The following TECRL variants were observed in gnomAD, a reference collection of about 807,000 sequenced individuals.
The protein encoded by TECRL is trans-2,3-enoyl-CoA reductase like.
TECRL carries 63 observed loss-of-function variants against 52.8 expected under a neutral mutation model. The observed-to-expected ratio is 1.19, with a 90% CI of 0.97 to 1.47. TECRL has a LOEUF of 1.47. TECRL is among the 40% of genes most tolerant of loss of function. The pLI is 0.00. For synonymous variants in TECRL, 164 were observed against 141.9 expected (o/e 1.16, Z -1.10); for missense variants, 482 against 429.6 (o/e 1.12, Z -1.08).
intron 1 of TECRL, among the ~76,000 whole-genome samples, chr4:64,388,621 A>T (rs1344455468): frequency 2.6e-5 from 4 of 151,868 alleles, no homozygotes. Flanking sequence ...GAAGGAATTG[A>T]CATCTTGAAA....
chr4:64,328,397 CAATT>C (rs1217040465), intron 3 of TECRL, 111 bp downstream of exon 3: 4 of 784,532 alleles, frequency 5.1e-6, no homozygotes, highest in Admixed American at 2.9e-5. Flanking sequence ...TTGGGCGAAT[CAATT>C]AAATAATACT....
At chr4:64,317,287 A>AT (rs1654745439) in intron 4 of TECRL, among the ~76,000 whole-genome samples, 1 of 152,138 alleles carries the variant, frequency 6.6e-6, no homozygotes, top group South Asian at 2.1e-4. Flanking sequence ...TCCAAAAAAA[A>AT]AGAAAAAAAG....
At position 64,375,032 on chromosome 4, in the gene TECRL, T is replaced by A. The variant is rs6551826; in HGVS notation, c.286+140A>T. 0.93 allele frequency: 343,004 copies of A among 369,422 alleles called. 160,314 individuals are homozygous for A. Among genetic ancestry groups the A allele is most frequent in the East Asian group, 1 (23,725 of 23,734 alleles). The allele number at this position is 369,422 out of a possible 1,614,324, so 22.9% of individuals were successfully genotyped here. A position where few individuals can be genotyped will look rare whatever the true frequency, so the allele number is the denominator to read the frequency against. The stretch of plus-strand genomic sequence containing the variant: ...TAGAATATTTATGCCAAAGAAATAT[T>A]AAGCAAACTATTGTTCCTGAGCTCC... On this transcript the variant is annotated intron_variant, in intron 2 of 11. Transcript: ENST00000381210.
intron 2 of TECRL, among the ~76,000 whole-genome samples, chr4:64,362,206 A>T (rs1344098405): frequency 6.6e-6 from 1 of 152,172 alleles, no homozygotes; most frequent in Non-Finnish European, 1.5e-5. Context: ...GAATATGTAA[A>T]GAGACCAAAC....
At chr4:64,391,422 C>G (rs1054911833) in intron 1 of TECRL, among the ~76,000 whole-genome samples, 7 of 151,768 alleles carry the variant, frequency 4.6e-5, no homozygotes, top group African/African-American at 1.2e-4. Context: ...ATGATTGTCT[C>G]AGAGTAATTT....
At chr4:64,282,477 T>C (rs10004108) in intron 9 of TECRL, among the ~76,000 whole-genome samples, 3,941 of 152,138 alleles carry the variant, frequency 0.026, 78 homozygotes, top group African/African-American at 0.055. Flanking sequence ...ATTTTACAAC[T>C]GTTCATAAAA....
chr4:64,325,969 G>A (rs985099239), intron 3 of TECRL, among the ~76,000 whole-genome samples: 2 of 152,088 alleles, frequency 1.3e-5, no homozygotes, highest in Non-Finnish European at 2.9e-5. Context: ...ATCAAAGGGA[G>A]AGGAATATAT....
intron 2 of TECRL, among the ~76,000 whole-genome samples, chr4:64,345,487 G>A (rs182764261): frequency 6.8e-6 from 1 of 146,548 alleles, no homozygotes; most frequent in African/African-American, 2.5e-5. Context: ...ACCCATAGGT[G>A]GGAATTGAAC....
rs534392724 is a variant in TECRL, at chr4:64,385,056, T to A, written c.235-9833A>T. ...TGGGTGGGGTGGATCTGCTGTCAGG[T>A]TTTCCTGATGGTATATGTGGGTACC... On this transcript the variant is annotated intron_variant, in intron 1 of 11. Coordinates refer to ENST00000381210, the MANE Select transcript of TECRL (RefSeq NM_001010874.5). Among the ~76,000 whole-genome samples the A allele has an allele frequency of 2.0e-5, 3 of 152,140 alleles. No homozygotes were observed. In the South Asian group the frequency reaches 6.2e-4, roughly 32 times the overall value.
At chr4:64,277,106 C>T (rs956680626), downstream of TECRL, 45 of 1,290,092 alleles carry the variant, frequency 3.5e-5, no homozygotes, top group Non-Finnish European at 4.5e-5. Context: ...ATTAAGATAT[C>T]CTTTAACTAA....
intron 2 of TECRL, among the ~76,000 whole-genome samples, chr4:64,368,343 T>A (rs1181819785): frequency 6.6e-6 from 1 of 152,142 alleles, no homozygotes; most frequent in African/African-American, 2.4e-5. Flanking sequence ...TCGCCCAGGC[T>A]GGAGTGCAAT....
chr4:64,278,314 G>A lies in TECRL; in HGVS notation c.*1758C>T, dbSNP rs2170766. Reference sequence around the variant, plus strand: ...CACTTTTAATATAGCTATAATTTCCGCAAGAATTTGAACTAATGACATAAT... The same window carrying A: ...CACTTTTAATATAGCTATAATTTCCACAAGAATTTGAACTAATGACATAAT... On this transcript the variant is annotated 3_prime_UTR_variant, in exon 12 of 12. Transcript: ENST00000381210. 157,893 of 162,912 alleles carry A rather than the reference G, an allele frequency of 0.97. 76,530 individuals carry two copies. Among genetic ancestry groups the A allele is most frequent in the East Asian group, 1 (5,218 of 5,218 alleles). 10.1% of individuals were successfully genotyped at this position (162,912 alleles called of 1,614,324 possible). A position where few individuals can be genotyped will look rare whatever the true frequency, so the allele number is the denominator to read the frequency against.
At chr4:64,393,602 T>G (rs974356556) in intron 1 of TECRL, among the ~76,000 whole-genome samples, 2 of 152,050 alleles carry the variant, frequency 1.3e-5, no homozygotes, top group Non-Finnish European at 2.9e-5. Context: ...AAAATATATT[T>G]TATCAGACTT....
intron 1 of TECRL, among the ~76,000 whole-genome samples, chr4:64,377,880 G>A (rs1722512934): frequency 6.6e-6 from 1 of 151,844 alleles, no homozygotes; most frequent in African/African-American, 2.4e-5. Flanking sequence ...TTCTTAAGAT[G>A]AACAGCTGTC....
chr4:64,293,441 A>T (rs557560880), intron 8 of TECRL, among the ~76,000 whole-genome samples: 33 of 152,140 alleles, frequency 2.2e-4, no homozygotes, highest in East Asian at 7.7e-4. Flanking sequence ...CAATTTTTTT[A>T]AAAAAATACA....
chr4:64,330,198 A>C (rs1330195253), intron 2 of TECRL, among the ~76,000 whole-genome samples: 1 of 152,194 alleles, frequency 6.6e-6, no homozygotes, highest in Non-Finnish European at 1.5e-5. Context: ...AGAACCGTGA[A>C]GTGTCTGGTA....
At chr4:64,399,548 C>A (rs1433285613) in intron 1 of TECRL, among the ~76,000 whole-genome samples, 1 of 152,166 alleles carries the variant, frequency 6.6e-6, no homozygotes, top group Non-Finnish European at 1.5e-5. Context: ...CCCCTCCCAC[C>A]AGAAGCCCTG....
chr4:64,380,697 C>T (rs988907027), intron 1 of TECRL, among the ~76,000 whole-genome samples: 1 of 151,954 alleles, frequency 6.6e-6, no homozygotes, highest in African/African-American at 2.4e-5. Flanking sequence ...TCTTTGAAGA[C>T]AATCAGTTGA....
intron 1 of TECRL, among the ~76,000 whole-genome samples, chr4:64,391,538 C>T (rs185111130): frequency 5.1e-4 from 77 of 151,936 alleles, no homozygotes; most frequent in South Asian, 6.2e-4. Flanking sequence ...AGAATCTTTA[C>T]GTCAACTGTG....
Sources: gnomAD v4.1 joint callset for allele counts (sites outside exome capture counted in the v4.1 genomes callset) on GRCh38, gnomAD v4.1.1 for gene constraint, MANE v1.5 for transcripts, NCBI Gene and HGNC (gene_info 2026-07-23, HGNC 2026-07-21) for gene names.